The following SLC2A12 variants were observed in gnomAD, a reference collection of about 807,000 sequenced individuals.
SLC2A12 encodes the protein solute carrier family 2, facilitated glucose transporter member 12.
SLC2A12 carries 23 observed loss-of-function variants against 41.8 expected under a neutral mutation model. The observed-to-expected ratio is 0.55, with a 90% CI of 0.40 to 0.78. SLC2A12 has a LOEUF of 0.78. Among genes scored for constraint, SLC2A12 ranks in the 30% least tolerant of loss-of-function variants. The pLI, the probability that SLC2A12 is intolerant of heterozygous loss-of-function variation, is 0.00. For missense variants in SLC2A12, 654 were observed against 745.6 expected, an observed-to-expected ratio of 0.88 and a Z score of 1.43; for synonymous variants, 295 against 285.9, an observed-to-expected ratio of 1.03 and a Z score of -0.32.
intron 1 of SLC2A12, among the ~76,000 whole-genome samples, chr6:134,048,999 G>T (rs1187005700): frequency 6.6e-6 from 1 of 152,168 alleles, no homozygotes; most frequent in African/African-American, 2.4e-5. Flanking sequence ...CCCATTTTAA[G>T]CTAAACCCGG....
chr6:134,001,947 C>T (rs1315743648), intron 4 of SLC2A12, 50 bp downstream of exon 4: 3 of 1,575,852 alleles, frequency 1.9e-6, no homozygotes, highest in Admixed American at 2.0e-5. Context: ...ATAAAAGCTG[C>T]ACTTTTGACC....
intron 1 of SLC2A12, among the ~76,000 whole-genome samples, chr6:134,033,461 T>A (rs2114488620): frequency 6.6e-6 from 1 of 152,294 alleles, no homozygotes; most frequent in East Asian, 1.9e-4. Flanking sequence ...TATTCTTATC[T>A]CTGCTTGTCA....
chr6:134,051,497 G>A (rs1172227812), intron 1 of SLC2A12, among the ~76,000 whole-genome samples: 1 of 152,178 alleles, frequency 6.6e-6, no homozygotes, highest in Non-Finnish European at 1.5e-5. Flanking sequence ...AGAATACACA[G>A]CTGAGGAAAG....
chr6:133,994,511 A>G (rs565288117), intron 4 of SLC2A12, among the ~76,000 whole-genome samples: 1 of 152,284 alleles, frequency 6.6e-6, no homozygotes, highest in East Asian at 1.9e-4. Context: ...GTGGATCACG[A>G]GGTCAGGAGA....
At chr6:134,020,909 C>T (rs1394740364) in intron 2 of SLC2A12, among the ~76,000 whole-genome samples, 7 of 152,196 alleles carry the variant, frequency 4.6e-5, no homozygotes, top group Non-Finnish European at 1.5e-5. Flanking sequence ...AGCCCCTCTT[C>T]TCCATGTTGT....
At chr6:133,995,631 A>G (rs1426071159) in intron 4 of SLC2A12, among the ~76,000 whole-genome samples, 1 of 152,226 alleles carries the variant, frequency 6.6e-6, no homozygotes, top group Non-Finnish European at 1.5e-5. Context: ...ATGGAAAAAG[A>G]GACCCAGCAC....
chr6:134,046,027 T>TGA (rs1481758329), intron 1 of SLC2A12, among the ~76,000 whole-genome samples: 1 of 152,208 alleles, frequency 6.6e-6, no homozygotes, highest in Non-Finnish European at 1.5e-5. Flanking sequence ...TTCATTAGTG[T>TGA]GAGGATGCTC....
chr6:134,007,227 C>A (rs1465843368), intron 2 of SLC2A12, among the ~76,000 whole-genome samples: 1 of 152,258 alleles, frequency 6.6e-6, no homozygotes, highest in African/African-American at 2.4e-5. Flanking sequence ...ATGCAAACCG[C>A]AGGGGCAGAG....
At chr6:134,022,006 G>A (rs1343167860) in intron 2 of SLC2A12, among the ~76,000 whole-genome samples, 3 of 152,128 alleles carry the variant, frequency 2.0e-5, no homozygotes, top group Admixed American at 6.5e-5. Context: ...CACTTTGTCC[G>A]TTATGTGGAG....
intron 2 of SLC2A12, among the ~76,000 whole-genome samples, chr6:134,016,394 C>A (rs957201076): frequency 6.6e-6 from 1 of 151,588 alleles, no homozygotes; most frequent in African/African-American, 2.4e-5. Flanking sequence ...TGGGGTGTTC[C>A]CTCAAAAAAA....
chr6:134,042,384 C>T lies in SLC2A12; in HGVS notation c.103+9994G>A, dbSNP rs886629629. ...CCTGAACACTAAGGGTTAAGCTCACCGTTATCATGTTGATAATGGACAGGT... is the reference window on the plus strand; with the variant it reads ...CCTGAACACTAAGGGTTAAGCTCACTGTTATCATGTTGATAATGGACAGGT... On this transcript the variant is annotated intron_variant, in intron 1 of 4. Coordinates refer to ENST00000275230, the MANE Select transcript of SLC2A12 (RefSeq NM_145176.3). Among the ~76,000 whole-genome samples the T allele has an allele frequency of 4.0e-4, 61 of 151,842 alleles. 1 individual carries two copies. The highest frequency in any genetic ancestry group is 2.8e-3 in the Admixed American group (43 of 15,244).
At chr6:134,023,377 G>A (rs1330305221) in intron 2 of SLC2A12, among the ~76,000 whole-genome samples, 3 of 152,190 alleles carry the variant, frequency 2.0e-5, no homozygotes. Context: ...GCATCGCTCC[G>A]AGTGGCAGGA....
chr6:134,032,242 G>A (rs1777218116), intron 1 of SLC2A12, among the ~76,000 whole-genome samples: 1 of 151,426 alleles, frequency 6.6e-6, no homozygotes, highest in Admixed American at 6.6e-5. Context: ...TTTAGATGGA[G>A]GAGCAAATAA....
chr6:134,003,614 T>C (rs1732608720), intron 3 of SLC2A12, among the ~76,000 whole-genome samples: 1 of 152,176 alleles, frequency 6.6e-6, no homozygotes, highest in African/African-American at 2.4e-5. Flanking sequence ...ATTCAAATAT[T>C]TGAATGCACC....
chr6:134,038,026 C>T (rs961532520), intron 1 of SLC2A12, among the ~76,000 whole-genome samples: 8 of 152,172 alleles, frequency 5.3e-5, no homozygotes, highest in African/African-American at 1.9e-4. Context: ...CTCCCCTGCA[C>T]CCTGATCCTC....
chr6:134,012,882 G>T (rs543969583), intron 2 of SLC2A12, among the ~76,000 whole-genome samples: 2 of 152,262 alleles, frequency 1.3e-5, no homozygotes, highest in South Asian at 4.1e-4. Context: ...TAGGCAGGAC[G>T]ATGGCTTGAA....
chr6:134,051,270 A>G (rs1166784031), intron 1 of SLC2A12, among the ~76,000 whole-genome samples: 1 of 152,108 alleles, frequency 6.6e-6, no homozygotes, highest in Non-Finnish European at 1.5e-5. Context: ...AGATCAGGAC[A>G]TGGAAGATGG....
chr6:133,993,610 G>A (rs899183962), intron 4 of SLC2A12, among the ~76,000 whole-genome samples: 7 of 152,250 alleles, frequency 4.6e-5, no homozygotes, highest in Admixed American at 1.3e-4. Flanking sequence ...ATAGCAGGAA[G>A]AGATAGACAG....
intron 2 of SLC2A12, among the ~76,000 whole-genome samples, chr6:134,013,089 G>T (rs907474079): frequency 6.6e-6 from 1 of 152,012 alleles, no homozygotes; most frequent in Admixed American, 6.6e-5. Flanking sequence ...TTTTAAGCTG[G>T]AAAGTCTTTT....
Sources: gnomAD v4.1 joint callset for allele counts (sites outside exome capture counted in the v4.1 genomes callset) on GRCh38, gnomAD v4.1.1 for gene constraint, MANE v1.5 for transcripts, NCBI Gene and HGNC (gene_info 2026-07-23, HGNC 2026-07-21) for gene names.